RAD51B: variants seen among roughly 807,000 people sequenced by gnomAD.
The protein encoded by RAD51B is DNA repair protein RAD51 homolog 2.
In RAD51B, 38 loss-of-function variants were observed where a neutral mutation model predicts 42.2. The ratio of observed to expected loss-of-function variants is 0.90; its 90% CI spans 0.70 to 1.18. The LOEUF (loss-of-function observed/expected upper bound fraction) is 1.18, where lower values mean the gene tolerates loss of function less well. RAD51B is among the 50% of genes most tolerant of loss of function. RAD51B has a pLI of 0.00. For synonymous variants in RAD51B, 154 were observed against 145.2 expected (o/e 1.06, Z -0.43); for missense variants, 373 against 400.7 (o/e 0.93, Z 0.59).
chr14:68,599,084 C>T (rs1052595931), downstream of RAD51B, among the ~76,000 whole-genome samples: 5 of 152,178 alleles, frequency 3.3e-5, no homozygotes, highest in Non-Finnish European at 7.3e-5. Flanking sequence ...CTGGCCGCTC[C>T]CTTTGCCGCT....
chr14:68,603,849 G>A (rs1049942734), intron 10 of RAD51B, among the ~76,000 whole-genome samples: 21 of 152,212 alleles, frequency 1.4e-4, no homozygotes, highest in African/African-American at 4.8e-4. Context: ...TCCGCATGCT[G>A]TCAGGCTACC....
At chr14:68,288,968 G>A (rs539031396) in intron 7 of RAD51B, among the ~76,000 whole-genome samples, 1 of 152,238 alleles carries the variant, frequency 6.6e-6, no homozygotes, top group East Asian at 1.9e-4. Flanking sequence ...TCAGAGCAAT[G>A]TCAGTATCTT....
chr14:68,200,679 A>G (rs964342526), intron 7 of RAD51B, among the ~76,000 whole-genome samples: 2 of 151,966 alleles, frequency 1.3e-5, no homozygotes, highest in Non-Finnish European at 2.9e-5. Flanking sequence ...CTTGAGACAG[A>G]GTGTCACTCT....
At chr14:68,063,782 A>G (rs1047540744) in intron 7 of RAD51B, among the ~76,000 whole-genome samples, 5 of 152,194 alleles carry the variant, frequency 3.3e-5, no homozygotes, top group Admixed American at 6.5e-5. Context: ...CTCCTCTTGT[A>G]GGAAGCATAT....
Position 68,171,711 on chromosome 14 carries a change from CT to C in RAD51B, c.757-120166del, listed in dbSNP as rs959332229. On this transcript the variant is annotated intron_variant, in intron 7 of 10. Coordinates refer to ENST00000471583, the MANE Select transcript of RAD51B (RefSeq NM_133510.4). ...CATCTTGTTTGTCATATTTCTCATT[CT>C]TTTTTTGTGTGTGTGACGGAGTCTC... Among the ~76,000 whole-genome samples, 19 of 151,726 alleles carry C rather than the reference CT, an allele frequency of 1.3e-4. 1 individual carries two copies. The Middle Eastern group carries it at 0.01, about 83-fold the overall frequency.
intron 7 of RAD51B, among the ~76,000 whole-genome samples, chr14:68,284,687 T>C (rs1055583307): frequency 8.5e-5 from 13 of 152,318 alleles, no homozygotes; most frequent in Middle Eastern, 3.4e-3. Flanking sequence ...ATTGAAACCT[T>C]ATCAGCTTTT....
intron 7 of RAD51B, among the ~76,000 whole-genome samples, chr14:68,157,181 A>G (rs1445003732): frequency 6.6e-6 from 1 of 152,180 alleles, no homozygotes; most frequent in Non-Finnish European, 1.5e-5. Flanking sequence ...TAGTTGACAG[A>G]GCAAGAGCCT....
intron 7 of RAD51B, among the ~76,000 whole-genome samples, chr14:68,017,777 C>G (rs917619465): frequency 8.6e-5 from 13 of 151,922 alleles, no homozygotes; most frequent in Non-Finnish European, 1.8e-4. Flanking sequence ...TTGAGACCAT[C>G]CTGGCCAACT....
intron 7 of RAD51B, among the ~76,000 whole-genome samples, chr14:68,222,542 C>T (rs944508198): frequency 2.6e-5 from 4 of 151,918 alleles, no homozygotes; most frequent in Admixed American, 6.6e-5. Flanking sequence ...GTTGGGGTGG[C>T]GAGAGATAAA....
intron 7 of RAD51B, among the ~76,000 whole-genome samples, chr14:67,948,891 CG>C (rs1326470427): frequency 7.5e-6 from 1 of 133,900 alleles, no homozygotes; most frequent in East Asian, 2.2e-4. Context: ...GAGATCACGC[CG>C]CTGCATTCCA....
intron 7 of RAD51B, among the ~76,000 whole-genome samples, chr14:68,240,138 A>G (rs373624544): frequency 6.6e-6 from 1 of 152,200 alleles, no homozygotes; most frequent in African/African-American, 2.4e-5. Context: ...TGTTGTATCT[A>G]CCATTATAAA....
intron 10 of RAD51B, chr14:68,563,490 T>G: frequency 2.0e-6 from 2 of 985,492 alleles, no homozygotes; most frequent in Non-Finnish European, 2.4e-6. Flanking sequence ...AGGCTGGGGC[T>G]GAAGAAAAGA....
chr14:68,384,514 A>C (rs1485444516), intron 8 of RAD51B, among the ~76,000 whole-genome samples: 1 of 152,208 alleles, frequency 6.6e-6, no homozygotes, highest in Admixed American at 6.5e-5. Flanking sequence ...TTTGCCTCCC[A>C]GAGTGGCAAG....
chr14:67,886,128 T>A, intron 6 of RAD51B, 140 bp downstream of exon 6: 1 of 641,592 alleles, frequency 1.6e-6, no homozygotes, highest in Admixed American at 3.1e-5. Context: ...TTCTTTGTTA[T>A]AGCCTTTTGG....
intron 7 of RAD51B, among the ~76,000 whole-genome samples, chr14:68,140,130 G>T (rs1396065906): frequency 3.9e-5 from 6 of 152,152 alleles, no homozygotes; most frequent in African/African-American, 1.4e-4. Context: ...ACAGAGAGAG[G>T]TCATGACAGA....
intron 7 of RAD51B, among the ~76,000 whole-genome samples, chr14:68,192,370 A>G (rs1024068888): frequency 6.6e-6 from 1 of 152,152 alleles, no homozygotes; most frequent in African/African-American, 2.4e-5. Flanking sequence ...AGAGAAGTTT[A>G]TATTGCCTTG....
rs533548586 is a variant in RAD51B, at chr14:68,097,560, T to C, written c.757-194324T>C. Among the ~76,000 whole-genome samples, 6 of 152,326 alleles carry C rather than the reference T, an allele frequency of 3.9e-5. No individual in the cohort carries two copies. The South Asian group carries it at 1.0e-3, about 26-fold the overall frequency. On this transcript the variant is annotated intron_variant, in intron 7 of 10. Transcript: ENST00000471583. ...ATTTGCTCACAGCTTTAAAGCAGGT[T>C]CTTTTCCATTTCCACTGCTATTACC...
At chr14:67,866,788 CT>C (rs1206300524) in intron 5 of RAD51B, among the ~76,000 whole-genome samples, 1 of 152,132 alleles carries the variant, frequency 6.6e-6, no homozygotes, top group Non-Finnish European at 1.5e-5. Context: ...TAATTATTTA[CT>C]TTTTGAATCC....
At chr14:68,140,912 G>A (rs2078114818) in intron 7 of RAD51B, among the ~76,000 whole-genome samples, 1 of 152,200 alleles carries the variant, frequency 6.6e-6, no homozygotes, top group South Asian at 2.1e-4. Flanking sequence ...AAACAACCGG[G>A]CAAAGTGGCA....
Sources: allele counts gnomAD v4.1 joint callset (sites outside exome capture counted in the v4.1 genomes callset), GRCh38; gene constraint gnomAD v4.1.1; transcripts MANE v1.5; gene names NCBI Gene and HGNC (gene_info 2026-07-23, HGNC 2026-07-21).